Variants in SNTG2 observed in about 807,000 individuals in gnomAD.
SNTG2 encodes the protein syntrophin gamma 2, also known as gamma-2-syntrophin.
A neutral mutation model predicts 70.9 loss-of-function variants in SNTG2; 74 were observed. The observed-to-expected ratio is 1.04, with a 90% CI of 0.86 to 1.27. The LOEUF (loss-of-function observed/expected upper bound fraction) is 1.27, where lower values mean the gene tolerates loss of function less well. Among genes scored for constraint, SNTG2 ranks in the 50% most tolerant of loss-of-function variants. The pLI, the probability that SNTG2 is intolerant of heterozygous loss-of-function variation, is 0.00. For synonymous variants in SNTG2, 278 were observed against 273.8 expected, an observed-to-expected ratio of 1.02 and a Z score of -0.15; for missense variants, 717 against 690.7, an observed-to-expected ratio of 1.04 and a Z score of -0.43.
At chr2:979,888 TTAAGTTA>T (rs1661044021) in intron 1 of SNTG2, among the ~76,000 whole-genome samples, 1 of 74,186 alleles carries the variant, frequency 1.3e-5, no homozygotes, top group South Asian at 2.8e-4. Context: ...AGATTATAAT[TTAAGTTA>T]TGTTAAATAC....
chr2:1,231,833 C>T (rs1239689211), intron 9 of SNTG2, among the ~76,000 whole-genome samples: 1 of 152,140 alleles, frequency 6.6e-6, no homozygotes, highest in East Asian at 1.9e-4. Flanking sequence ...AGCAAACACT[C>T]ACGTGTGCCT....
chr2:1,063,441 C>T (rs886577971), intron 1 of SNTG2, among the ~76,000 whole-genome samples: 1 of 152,126 alleles, frequency 6.6e-6, no homozygotes, highest in African/African-American at 2.4e-5. Context: ...AGAAGAGTTC[C>T]CTCTCAGGCA....
At chr2:961,708 C>A (rs1660357229) in intron 1 of SNTG2, among the ~76,000 whole-genome samples, 1 of 152,152 alleles carries the variant, frequency 6.6e-6, no homozygotes, top group African/African-American at 2.4e-5. Flanking sequence ...TGGGTACATT[C>A]CCAGTGAATG....
chr2:955,362 A>C (rs75370347), intron 1 of SNTG2, among the ~76,000 whole-genome samples: 1,763 of 152,340 alleles, frequency 0.012, 29 homozygotes, highest in African/African-American at 0.04. Flanking sequence ...TTATAAAAAC[A>C]ATCACATAGA....
At chr2:1,106,116 T>C (rs1430871756) in intron 4 of SNTG2, among the ~76,000 whole-genome samples, 1 of 129,964 alleles carries the variant, frequency 7.7e-6, no homozygotes, top group Non-Finnish European at 1.6e-5. Context: ...AGCTCCTTGG[T>C]AATAGTGGAC....
intron 4 of SNTG2, among the ~76,000 whole-genome samples, chr2:1,110,125 C>T (rs188705365): frequency 6.6e-6 from 1 of 152,228 alleles, no homozygotes; most frequent in East Asian, 1.9e-4. Flanking sequence ...GAACACAAAA[C>T]CCAGGTCCCA....
At chr2:1,303,167 C>T (rs886508881) in intron 14 of SNTG2, among the ~76,000 whole-genome samples, 1 of 152,156 alleles carries the variant, frequency 6.6e-6, no homozygotes, top group Non-Finnish European at 1.5e-5. Flanking sequence ...TATGGAATCC[C>T]CCCACCACAT....
chr2:1,287,821 G>A (rs973681417), intron 14 of SNTG2, among the ~76,000 whole-genome samples: 3 of 152,182 alleles, frequency 2.0e-5, no homozygotes, highest in Non-Finnish European at 4.4e-5. Flanking sequence ...AAAATAAGAT[G>A]CGTCCTTTTC....
intron 9 of SNTG2, among the ~76,000 whole-genome samples, chr2:1,215,767 A>G (rs1336226355): frequency 7.5e-6 from 1 of 133,178 alleles, no homozygotes; most frequent in African/African-American, 2.9e-5. Context: ...AGGTGTTCTC[A>G]TTGTTCAATT....
intron 14 of SNTG2, among the ~76,000 whole-genome samples, chr2:1,269,349 C>T (rs1678905700): frequency 6.6e-6 from 1 of 152,034 alleles, no homozygotes; most frequent in Non-Finnish European, 1.5e-5. Flanking sequence ...AGCCCCATCT[C>T]TGCAAAAAAT....
At chr2:1,184,348 G>A (rs1254082924) in intron 8 of SNTG2, among the ~76,000 whole-genome samples, 1 of 126,060 alleles carries the variant, frequency 7.9e-6, no homozygotes, top group African/African-American at 3.0e-5. Context: ...ATAGATGAGT[G>A]AGCAAAAAAT....
At chr2:1,154,514 C>T (rs540639793) in intron 6 of SNTG2, among the ~76,000 whole-genome samples, 1 of 152,216 alleles carries the variant, frequency 6.6e-6, no homozygotes, top group Admixed American at 6.5e-5. Context: ...GTGTGACAGA[C>T]ACAATGTAGG....
At chr2:1,331,493 C>G (rs1659526318) in intron 16 of SNTG2, among the ~76,000 whole-genome samples, 1 of 152,196 alleles carries the variant, frequency 6.6e-6, no homozygotes, top group African/African-American at 2.4e-5. Context: ...TGACTTGGAA[C>G]CAGGATCCCT....
chr2:951,061 C>T lies in SNTG2; in HGVS notation c.65C>T (p.Pro22Leu), dbSNP rs1292854758. 4.7e-6 allele frequency: 6 copies of T among 1,271,154 alleles called. No homozygotes were observed. The highest frequency in any genetic ancestry group is 3.9e-5 in the Admixed American group (1 of 25,794). 78.7% of individuals were successfully genotyped at this position (1,271,154 alleles called of 1,614,324 possible). Reference sequence around the variant, plus strand: ...GGACGCCAGGGCTGCCTGCTGGTACCTGCGCGGGTGAGTGCGGCCCCTCAG... The same window carrying T: ...GGACGCCAGGGCTGCCTGCTGGTACTTGCGCGGGTGAGTGCGGCCCCTCAG... ...SRGRQGCLLV[P>L]ARTKTTIALL... The change falls in exon 1 of 17, where the codon CCT becomes CTT. Residue 22 changes from proline to leucine, a missense_variant. Pro to Leu is a moderately conservative substitution (Grantham distance 98). Coordinates refer to ENST00000308624, the MANE Select transcript of SNTG2 (RefSeq NM_018968.4).
intron 16 of SNTG2, among the ~76,000 whole-genome samples, chr2:1,366,682 C>T (rs1487374364): frequency 6.6e-6 from 1 of 152,192 alleles, no homozygotes; most frequent in Admixed American, 6.5e-5. Flanking sequence ...CCGTGCTGTG[C>T]ACACTGCCTA....
At chr2:1,185,709 C>G (rs946163694) in intron 8 of SNTG2, among the ~76,000 whole-genome samples, 1 of 152,174 alleles carries the variant, frequency 6.6e-6, no homozygotes, top group African/African-American at 2.4e-5. Context: ...CAAGATTGCA[C>G]AGGGCAGCAG....
chr2:1,250,477 G>T (rs1461831309), intron 12 of SNTG2, among the ~76,000 whole-genome samples: 1 of 151,218 alleles, frequency 6.6e-6, no homozygotes, highest in Non-Finnish European at 1.5e-5. Context: ...GACTCTCTCT[G>T]TGTCTCTTCC....
At chr2:1,251,661 A>G (rs1478553025) in intron 12 of SNTG2, among the ~76,000 whole-genome samples, 1 of 143,254 alleles carries the variant, frequency 7.0e-6, no homozygotes, top group Admixed American at 7.0e-5. Flanking sequence ...CACACCACAC[A>G]TGCACACACC....
intron 1 of SNTG2, among the ~76,000 whole-genome samples, chr2:1,054,321 C>T (rs4327261): frequency 6.6e-6 from 1 of 151,862 alleles, no homozygotes; most frequent in African/African-American, 2.4e-5. Context: ...AGCATCTTCA[C>T]GGCACCAGGA....
Sources: allele counts gnomAD v4.1 joint callset (sites outside exome capture counted in the v4.1 genomes callset), GRCh38; gene constraint gnomAD v4.1.1; transcripts MANE v1.5; gene names NCBI Gene and HGNC (gene_info 2026-07-23, HGNC 2026-07-21).